GPC5: variants seen among roughly 807,000 people sequenced by gnomAD.
GPC5 encodes glypican 5.
GPC5 carries 47 observed loss-of-function variants against 53.9 expected under a neutral mutation model. The observed-to-expected ratio is 0.87, with a 90% CI of 0.69 to 1.11. The LOEUF is 1.11. Ranked by LOEUF, GPC5 falls within the 50% of genes most tolerant of loss-of-function variation. The pLI, the probability that GPC5 is intolerant of heterozygous loss-of-function variation, is 0.00. For synonymous variants in GPC5, 286 were observed against 263.3 expected (o/e 1.09, Z -0.84); for missense variants, 748 against 713.1 (o/e 1.05, Z -0.56).
chr13:91,651,459 A>C (rs1203458233), intron 2 of GPC5, among the ~76,000 whole-genome samples: 2 of 152,114 alleles, frequency 1.3e-5, no homozygotes, highest in Non-Finnish European at 2.9e-5. Context: ...GTGGCTCATG[A>C]CTGCAATCCC....
chr13:91,594,810 C>T (rs1442558138), intron 2 of GPC5, among the ~76,000 whole-genome samples: 1 of 151,848 alleles, frequency 6.6e-6, no homozygotes, highest in African/African-American at 2.4e-5. Context: ...TCTCAAGAAG[C>T]TGGGACTAGA....
At chr13:92,645,436 A>G (rs1271871035) in intron 7 of GPC5, among the ~76,000 whole-genome samples, 1 of 152,310 alleles carries the variant, frequency 6.6e-6, no homozygotes, top group Admixed American at 6.5e-5. Context: ...TTTAATATAA[A>G]TGTAATCATG....
At chr13:92,606,385 G>A (rs1483610962) in intron 7 of GPC5, among the ~76,000 whole-genome samples, 1 of 152,050 alleles carries the variant, frequency 6.6e-6, no homozygotes, top group Non-Finnish European at 1.5e-5. Flanking sequence ...ATGGTTCCCA[G>A]CTTCATCCAT....
intron 7 of GPC5, among the ~76,000 whole-genome samples, chr13:92,492,399 G>T (rs1465154325): frequency 4.0e-5 from 6 of 151,666 alleles, no homozygotes; most frequent in African/African-American, 1.2e-4. Flanking sequence ...TGTAAATGAG[G>T]AGTTAATGGG....
At chr13:92,721,883 A>G (rs1446219764) in intron 7 of GPC5, among the ~76,000 whole-genome samples, 1 of 152,040 alleles carries the variant, frequency 6.6e-6, no homozygotes. Flanking sequence ...GGTCATTTCC[A>G]TTATAAAACT....
chr13:91,861,937 C>T (rs1405761135), intron 5 of GPC5, among the ~76,000 whole-genome samples: 2 of 151,494 alleles, frequency 1.3e-5, no homozygotes, highest in East Asian at 4.0e-4. Context: ...ATGTAAAAAA[C>T]TGATGACAGT....
At chr13:91,705,866 T>C (rs905345873) in intron 3 of GPC5, among the ~76,000 whole-genome samples, 1 of 150,126 alleles carries the variant, frequency 6.7e-6, no homozygotes, top group South Asian at 2.1e-4. Flanking sequence ...ACTTTTTTCT[T>C]TTTTTTTCTT....
At chr13:91,989,530 A>T (rs991815457) in intron 6 of GPC5, among the ~76,000 whole-genome samples, 1 of 152,212 alleles carries the variant, frequency 6.6e-6, no homozygotes, top group Non-Finnish European at 1.5e-5. Flanking sequence ...TAATGAATGT[A>T]TGGTTATTGC....
At chr13:92,565,750 G>C (rs1323855552) in intron 7 of GPC5, among the ~76,000 whole-genome samples, 1 of 151,926 alleles carries the variant, frequency 6.6e-6, no homozygotes, top group Non-Finnish European at 1.5e-5. Context: ...ACTAAAGCAA[G>C]TGACTTTTTG....
intron 1 of GPC5, among the ~76,000 whole-genome samples, chr13:91,418,765 A>G (rs749378168): frequency 6.6e-6 from 1 of 152,142 alleles, no homozygotes; most frequent in South Asian, 2.1e-4. Context: ...TCTGTAGGGT[A>G]TTCCTTTAAT....
intron 1 of GPC5, among the ~76,000 whole-genome samples, chr13:91,439,100 G>A (rs974182790): frequency 2.0e-5 from 3 of 152,284 alleles, no homozygotes; most frequent in Non-Finnish European, 4.4e-5. Context: ...GCCTTCCCAG[G>A]CTCTTTTGAA....
At chr13:91,983,271 G>A (rs1281661878) in intron 6 of GPC5, among the ~76,000 whole-genome samples, 2 of 151,978 alleles carry the variant, frequency 1.3e-5, no homozygotes, top group South Asian at 2.1e-4. Flanking sequence ...GCGAGAACCC[G>A]GGAGGCGGAG....
chr13:92,483,222 C>G (rs1032569012), intron 7 of GPC5, among the ~76,000 whole-genome samples: 1 of 152,146 alleles, frequency 6.6e-6, no homozygotes, highest in Admixed American at 6.5e-5. Flanking sequence ...CTGAGAAATG[C>G]ATGTTTCTGT....
At chr13:92,017,609 A>G (rs1486545340) in intron 6 of GPC5, among the ~76,000 whole-genome samples, 1 of 152,172 alleles carries the variant, frequency 6.6e-6, no homozygotes, top group African/African-American at 2.4e-5. Context: ...GAACTTCTGT[A>G]TTAAAAAGAA....
chr13:91,929,717 T>C (rs143230908), intron 6 of GPC5, among the ~76,000 whole-genome samples: 8 of 152,120 alleles, frequency 5.3e-5, no homozygotes, highest in African/African-American at 1.4e-4. Context: ...TACATTTTCC[T>C]GCTGTTCCTT....
At chr13:91,656,192 G>A (rs1450989318) in intron 2 of GPC5, among the ~76,000 whole-genome samples, 1 of 152,082 alleles carries the variant, frequency 6.6e-6, no homozygotes, top group Non-Finnish European at 1.5e-5. Flanking sequence ...AGTAATTAAG[G>A]CACTTACATT....
intron 5 of GPC5, among the ~76,000 whole-genome samples, chr13:91,774,163 G>A (rs535259816): frequency 6.6e-6 from 1 of 152,152 alleles, no homozygotes. Flanking sequence ...AGGAGGTACA[G>A]TGTAGAGAGA....
chr13:92,721,805 G>A (rs1361459040), intron 7 of GPC5, among the ~76,000 whole-genome samples: 1 of 151,938 alleles, frequency 6.6e-6, no homozygotes, highest in Non-Finnish European at 1.5e-5. Flanking sequence ...ATAACAGAGG[G>A]GGGTTCATAA....
At chr13:92,226,376 T>G (rs2042486387) in intron 7 of GPC5, among the ~76,000 whole-genome samples, 1 of 152,196 alleles carries the variant, frequency 6.6e-6, no homozygotes, top group Non-Finnish European at 1.5e-5. Flanking sequence ...TTCTCCATGT[T>G]AACATTTTCA....
Sources: gnomAD v4.1 joint callset for allele counts (sites outside exome capture counted in the v4.1 genomes callset) on GRCh38, gnomAD v4.1.1 for gene constraint, MANE v1.5 for transcripts, NCBI Gene and HGNC (gene_info 2026-07-23, HGNC 2026-07-21) for gene names.